Variants in SPAG16 observed in about 807,000 individuals in gnomAD.
SPAG16 encodes sperm associated antigen 16, also known as sperm-associated antigen 16 protein.
A neutral mutation model predicts 80.4 loss-of-function variants in SPAG16; 86 were observed. That is an observed-to-expected ratio of 1.07 (90% CI 0.90 to 1.28). The LOEUF is 1.28. Ranked by LOEUF, SPAG16 falls within the 50% of genes most tolerant of loss-of-function variation. The pLI is 0.00. For synonymous variants in SPAG16, 294 were observed against 265.9 expected, an observed-to-expected ratio of 1.11 and a Z score of -1.03; for missense variants, 870 against 765.3, an observed-to-expected ratio of 1.14 and a Z score of -1.61.
chr2:213,891,767 T>C (rs965456476), intron 11 of SPAG16, among the ~76,000 whole-genome samples: 15 of 152,046 alleles, frequency 9.9e-5, no homozygotes, highest in Non-Finnish European at 5.9e-5. Context: ...TCTAAGGAGA[T>C]GGTAAGATAA....
intron 14 of SPAG16, among the ~76,000 whole-genome samples, chr2:214,138,501 A>G (rs2055178876): frequency 6.6e-6 from 1 of 152,120 alleles, no homozygotes; most frequent in Admixed American, 6.6e-5. Flanking sequence ...CAATGTTTTT[A>G]TCTCAAAATA....
intron 7 of SPAG16, among the ~76,000 whole-genome samples, chr2:213,359,393 A>G (rs1291001735): frequency 7.0e-6 from 1 of 142,422 alleles, no homozygotes; most frequent in African/African-American, 2.4e-5. Flanking sequence ...TGGAGTCTAT[A>G]GAGGCAGTAG....
chr2:214,063,885 T>C (rs1486067919), intron 13 of SPAG16, among the ~76,000 whole-genome samples: 2 of 152,186 alleles, frequency 1.3e-5, no homozygotes, highest in Non-Finnish European at 2.9e-5. Flanking sequence ...TAAACTCTCC[T>C]ATGAGGGCAG....
intron 10 of SPAG16, among the ~76,000 whole-genome samples, chr2:213,834,469 C>T (rs1316245832): frequency 6.6e-6 from 1 of 152,172 alleles, no homozygotes; most frequent in Non-Finnish European, 1.5e-5. Flanking sequence ...TTAGCAAGCT[C>T]AGATTCTTCT....
chr2:214,023,359 A>G (rs567336858), intron 13 of SPAG16, among the ~76,000 whole-genome samples: 1 of 151,888 alleles, frequency 6.6e-6, no homozygotes, highest in Non-Finnish European at 1.5e-5. Context: ...ATCTTTCCCT[A>G]GAGGAGTAGT....
chr2:213,782,311 A>G (rs1309357204), intron 10 of SPAG16, among the ~76,000 whole-genome samples: 2 of 152,108 alleles, frequency 1.3e-5, no homozygotes, highest in Non-Finnish European at 2.9e-5. Context: ...ATACTAAACA[A>G]TGATGTAAAA....
chr2:213,750,913 C>T lies in SPAG16; in HGVS notation c.1071-111572C>T, dbSNP rs142892554. ...TAATCATGGCCAGCTTCTGGACCAC[C>T]GATGATACATTAACTCCTTGGGTCA... is the stretch of plus-strand genomic sequence containing the variant. On this transcript the variant is annotated intron_variant, in intron 10 of 15. Coordinates refer to ENST00000331683, the MANE Select transcript of SPAG16 (RefSeq NM_024532.5). Among the ~76,000 whole-genome samples, 135 of 152,230 alleles carry T rather than the reference C, an allele frequency of 8.9e-4. 2 individuals carry two copies. Among genetic ancestry groups the T allele is most frequent in the Admixed American group, 2.7e-3 (41 of 15,288 alleles).
intron 15 of SPAG16, among the ~76,000 whole-genome samples, chr2:214,274,708 A>C (rs1407725345): frequency 6.6e-6 from 1 of 152,148 alleles, no homozygotes; most frequent in Non-Finnish European, 1.5e-5. Flanking sequence ...CCAGTATTTT[A>C]TTGAGGATTT....
intron 9 of SPAG16, among the ~76,000 whole-genome samples, chr2:213,466,850 A>T (rs1054692162): frequency 2.6e-5 from 4 of 152,218 alleles, no homozygotes; most frequent in African/African-American, 7.2e-5. Flanking sequence ...GCTGTCTCAG[A>T]ATCCCTGAAG....
chr2:214,006,507 G>C (rs1230655245), intron 12 of SPAG16, among the ~76,000 whole-genome samples: 1 of 151,830 alleles, frequency 6.6e-6, no homozygotes, highest in African/African-American at 2.4e-5. Flanking sequence ...AAAGAGAGGA[G>C]ATGAAAGGAA....
At chr2:213,895,888 A>G (rs576345130) in intron 11 of SPAG16, among the ~76,000 whole-genome samples, 63 of 152,246 alleles carry the variant, frequency 4.1e-4, no homozygotes, top group Non-Finnish European at 7.6e-4. Context: ...TGTGTTTCAT[A>G]CTGTAAAAGC....
chr2:213,369,389 G>T (rs1480840077), intron 8 of SPAG16, among the ~76,000 whole-genome samples: 1 of 152,144 alleles, frequency 6.6e-6, no homozygotes, highest in African/African-American at 2.4e-5. Context: ...GTGTCATAAG[G>T]TAATGTTTAT....
intron 11 of SPAG16, among the ~76,000 whole-genome samples, chr2:213,864,472 T>C (rs1050676841): frequency 6.6e-6 from 1 of 152,110 alleles, no homozygotes; most frequent in African/African-American, 2.4e-5. Flanking sequence ...AATACAGTTA[T>C]AGTCTTCAGA....
chr2:213,999,369 G>A (rs574244193), intron 12 of SPAG16, among the ~76,000 whole-genome samples: 13 of 152,326 alleles, frequency 8.5e-5, no homozygotes, highest in South Asian at 8.3e-4. Context: ...CAGCTTCCAC[G>A]TGGTGTTGAG....
At chr2:214,121,460 C>G (rs1408916582) in intron 14 of SPAG16, among the ~76,000 whole-genome samples, 1 of 151,854 alleles carries the variant, frequency 6.6e-6, no homozygotes, top group Non-Finnish European at 1.5e-5. Flanking sequence ...ATATTTTTCT[C>G]CTATTGGTAC....
chr2:213,582,971 G>A (rs553738510), intron 10 of SPAG16, among the ~76,000 whole-genome samples: 9 of 152,018 alleles, frequency 5.9e-5, no homozygotes, highest in Non-Finnish European at 8.8e-5. Flanking sequence ...AATGAAAGAG[G>A]CACATTAAGG....
rs1385070609 is a variant in SPAG16 at position 213,475,664 on chromosome 2, C to G, written c.943-14299C>G. Among the ~76,000 whole-genome samples, 3 of 152,270 alleles carry G rather than the reference C, an allele frequency of 2.0e-5. No homozygotes were observed. The East Asian group carries it at 5.8e-4, about 29-fold the overall frequency. ...AGTTGGCAGGGATAGTCATGCTTAC[C>G]TGCACTCTGTCCTAGCCTTCTGTTG... On this transcript the variant is annotated intron_variant, in intron 9 of 15. Coordinates refer to ENST00000331683, the MANE Select transcript of SPAG16 (RefSeq NM_024532.5).
At chr2:214,186,061 A>C (rs1004917473) in intron 15 of SPAG16, among the ~76,000 whole-genome samples, 2 of 152,156 alleles carry the variant, frequency 1.3e-5, no homozygotes, top group Non-Finnish European at 2.9e-5. Context: ...CAAAAAATAA[A>C]AGTTGAATTG....
intron 13 of SPAG16, among the ~76,000 whole-genome samples, chr2:214,076,335 G>T (rs2051070826): frequency 6.6e-6 from 1 of 152,064 alleles, no homozygotes; most frequent in African/African-American, 2.4e-5. Context: ...GGTATCTAGG[G>T]ATTAAGTGTT....
Sources: gnomAD v4.1 joint callset for allele counts (sites outside exome capture counted in the v4.1 genomes callset) on GRCh38, gnomAD v4.1.1 for gene constraint, MANE v1.5 for transcripts, NCBI Gene and HGNC (gene_info 2026-07-23, HGNC 2026-07-21) for gene names.